ATPSCKMT: variants seen among roughly 807,000 people sequenced by gnomAD.
ATPSCKMT encodes the protein ATP synthase c subunit lysine N-methyltransferase, also known as ATP synthase subunit C lysine N-methyltransferase.
Under a neutral mutation model 24.3 loss-of-function variants are expected in ATPSCKMT, and 24 were observed. The observed-to-expected ratio is 0.99, with a 90% CI of 0.71 to 1.39. The LOEUF is 1.39. ATPSCKMT is among the 40% of genes most tolerant of loss of function. The pLI, the probability that ATPSCKMT is intolerant of heterozygous loss-of-function variation, is 0.00. For missense variants in ATPSCKMT, 311 were observed against 298.4 expected (o/e 1.04, Z -0.31); for synonymous variants, 95 against 110.5 (o/e 0.86, Z 0.88).
chr5:10,232,787 G>A (rs888460052), intron 4 of ATPSCKMT, among the ~76,000 whole-genome samples: 4 of 152,174 alleles, frequency 2.6e-5, no homozygotes, highest in African/African-American at 7.2e-5. Context: ...GGGCCCCTGC[G>A]CACCAGCCTC....
At position 10,226,346 on chromosome 5, in the gene ATPSCKMT, T is replaced by C. The variant is rs1303614964; in HGVS notation, c.*1095A>G. On this transcript the variant is annotated 3_prime_UTR_variant, in exon 5 of 5. Coordinates refer to ENST00000511437, the MANE Select transcript of ATPSCKMT (RefSeq NM_199133.4). ...GATCAAACTGACCAATTTTTATAAG[T>C]TTAGTTAAAGATGTGACCATCTTAC... is the stretch of plus-strand genomic sequence containing the variant. The C allele has an allele frequency of 6.6e-6, 1 of 152,230 alleles. No homozygotes were observed. Among genetic ancestry groups the C allele is most frequent in the Non-Finnish European group, 1.5e-5 (1 of 68,044 alleles). 9.4% of individuals were successfully genotyped at this position (152,230 alleles called of 1,614,324 possible).
intron 4 of ATPSCKMT, among the ~76,000 whole-genome samples, chr5:10,232,459 G>A (rs1161946833): frequency 3.3e-5 from 5 of 152,190 alleles, no homozygotes; most frequent in African/African-American, 7.2e-5. Flanking sequence ...TAGCAGTGTC[G>A]AAGCCTTCAG....
chr5:10,249,754 C>G (rs1213016261), intron 1 of ATPSCKMT, 104 bp downstream of exon 1: 21 of 1,468,182 alleles, frequency 1.4e-5, no homozygotes, highest in Non-Finnish European at 2.7e-6. Flanking sequence ...CGCCCGCACC[C>G]GGTCACCGCC....
At chr5:10,247,142 C>A (rs1744971515) in intron 1 of ATPSCKMT, among the ~76,000 whole-genome samples, 1 of 152,220 alleles carries the variant, frequency 6.6e-6, no homozygotes, top group African/African-American at 2.4e-5. Flanking sequence ...AAAGGCAACA[C>A]AGGGGCAATG....
intron 4 of ATPSCKMT, among the ~76,000 whole-genome samples, chr5:10,230,150 T>C (rs1206340454): frequency 6.6e-6 from 1 of 152,054 alleles, no homozygotes; most frequent in Non-Finnish European, 1.5e-5. Context: ...AACTTCTACA[T>C]GACCTACAGC....
intron 1 of ATPSCKMT, 21 bp downstream of exon 1, chr5:10,249,837 G>T: frequency 8.6e-7 from 1 of 1,163,474 alleles, no homozygotes. Flanking sequence ...CCAGGAACCC[G>T]CCAAGCCGCT....
intron 3 of ATPSCKMT, among the ~76,000 whole-genome samples, 167 bp from the exon 4 acceptor site, chr5:10,235,428 A>G (rs991806184): frequency 2.0e-5 from 3 of 152,198 alleles, no homozygotes; most frequent in African/African-American, 7.2e-5. Context: ...GAAAAGAATA[A>G]CATGTTCATG....
chr5:10,239,122 A>T lies in ATPSCKMT; in HGVS notation c.251T>A (p.Met84Lys). The change falls in exon 2 of 5, where the codon ATG becomes AAG. Residue 84 changes from methionine (M) to lysine (K), a missense_variant. Physicochemically the swap from Met to Lys is moderately conservative, Grantham distance 95. Transcript: ENST00000511437. The stretch of plus-strand genomic sequence containing the variant: ...AAGGGATCCTCTTCGGCATCGCAAC[A>T]TTTTCACAACATTTTCAATCTGCTT... ...TTKQIENVVK[M>K]LRCRRGSLVD... 6.2e-7 allele frequency: 1 copy of T among 1,614,176 alleles called. No homozygotes were observed. The highest frequency in any genetic ancestry group is 1.1e-5 in the South Asian group (1 of 91,088).
chr5:10,249,825 C>T (rs775311404), intron 1 of ATPSCKMT, 33 bp downstream of exon 1: 8 of 1,557,884 alleles, frequency 5.1e-6, no homozygotes, highest in Non-Finnish European at 6.9e-6. Flanking sequence ...CTTCTCATGC[C>T]CCCAGGAACC....
intron 1 of ATPSCKMT, among the ~76,000 whole-genome samples, chr5:10,248,652 A>G (rs1443900185): frequency 2.0e-5 from 3 of 152,224 alleles, no homozygotes; most frequent in African/African-American, 7.2e-5. Context: ...GGCTCCACCC[A>G]TCCTCCTGCC....
At chr5:10,243,096 C>T (rs1232977974) in intron 1 of ATPSCKMT, among the ~76,000 whole-genome samples, 1 of 152,226 alleles carries the variant, frequency 6.6e-6, no homozygotes, top group Non-Finnish European at 1.5e-5. Flanking sequence ...ACCAGCTGCA[C>T]TGACCCCTAA....
chr5:10,249,611 C>T (rs1413615342), intron 1 of ATPSCKMT: 3 of 506,906 alleles, frequency 5.9e-6, no homozygotes, highest in Admixed American at 7.7e-5. Context: ...AAGGCTGAGT[C>T]ACTTGCACTA....
chr5:10,247,597 A>G (rs373358582), intron 1 of ATPSCKMT, among the ~76,000 whole-genome samples: 2 of 152,224 alleles, frequency 1.3e-5, no homozygotes, highest in East Asian at 3.8e-4. Context: ...CTCTCGCCTC[A>G]GCCTCCTAAA....
chr5:10,230,198 T>A (rs1456814913), intron 4 of ATPSCKMT, among the ~76,000 whole-genome samples: 2 of 152,088 alleles, frequency 1.3e-5, no homozygotes, highest in African/African-American at 4.8e-5. Context: ...TTAGAATCAA[T>A]GCGAAGATAA....
At chr5:10,234,597 G>A (rs948745217) in intron 4 of ATPSCKMT, among the ~76,000 whole-genome samples, 5 of 152,244 alleles carry the variant, frequency 3.3e-5, no homozygotes, top group Admixed American at 2.0e-4. Flanking sequence ...ACTTTGAAAC[G>A]TGAAAAGGGA....
rs145723357 is a variant in ATPSCKMT at position 10,226,026 on chromosome 5, C to A, written c.*1415G>T. ...AAGACTGGAGCTACTGAAAAAGGGA[C>A]AGACACTAGCTGCCAAAAACCTGGC... On this transcript the variant is annotated 3_prime_UTR_variant, in exon 5 of 5. Transcript: ENST00000511437. Among the ~76,000 whole-genome samples, 78 of 152,330 alleles carry A rather than the reference C, an allele frequency of 5.1e-4. 1 individual carries two copies. In the East Asian group the frequency reaches 0.014, roughly 28 times the overall value.
intron 1 of ATPSCKMT, among the ~76,000 whole-genome samples, chr5:10,245,323 A>C (rs906965179): frequency 6.6e-6 from 1 of 152,030 alleles, no homozygotes; most frequent in Non-Finnish European, 1.5e-5. Context: ...GAAAGGCTGA[A>C]GCAGGAGAAT....
Position 10,231,699 on chromosome 5 carries a change from T to C in ATPSCKMT, c.495+3512A>G, listed in dbSNP as rs372590412. On this transcript the variant is annotated intron_variant, in intron 4 of 4. Coordinates refer to ENST00000511437, the MANE Select transcript of ATPSCKMT (RefSeq NM_199133.4). ...CTGTATGATGCATCTTCTACAGGCA[T>C]CTCATGTAATATCTGCTCTCCCCAC... is the stretch of plus-strand genomic sequence containing the variant. Among the ~76,000 whole-genome samples, 19 of 152,112 alleles carry C rather than the reference T, an allele frequency of 1.2e-4. No homozygotes were observed. In the South Asian group the frequency reaches 3.5e-3, roughly 28 times the overall value.
Position 10,227,430 on chromosome 5 carries a change from CCCAGT to C in ATPSCKMT, c.*6_*10del. 3.1e-6 allele frequency: 5 copies of C among 1,613,432 alleles called. No homozygotes were observed. The highest frequency in any genetic ancestry group is 4.2e-6 in the Non-Finnish European group (5 of 1,179,888). ...GACTACAATATTTCAGAAAAACACT[CCCAGT>C]CAAGTTTATGCTTGAATGGGCAGCT... On this transcript the variant is annotated 3_prime_UTR_variant, in exon 5 of 5. Transcript: ENST00000511437.
Sources: allele counts gnomAD v4.1 joint callset (sites outside exome capture counted in the v4.1 genomes callset), GRCh38; gene constraint gnomAD v4.1.1; transcripts MANE v1.5; gene names NCBI Gene and HGNC (gene_info 2026-07-23, HGNC 2026-07-21).